Variants in C6 observed in about 807,000 individuals in gnomAD.
C6 encodes complement component C6.
A neutral mutation model predicts 112.9 loss-of-function variants in C6; 101 were observed. That is an observed-to-expected ratio of 0.89 (90% CI 0.76 to 1.06). The LOEUF is 1.06. Among genes scored for constraint, C6 ranks in the 50% least tolerant of loss-of-function variants. The pLI, the probability that C6 is intolerant of heterozygous loss-of-function variation, is 0.00. For synonymous variants in C6, 431 were observed against 384.1 expected (o/e 1.12, Z -1.43); for missense variants, 1,202 against 1,104.6 (o/e 1.09, Z -1.25).
chr5:41,189,092 A>G (rs1191656388), intron 5 of C6, among the ~76,000 whole-genome samples: 1 of 152,118 alleles, frequency 6.6e-6, no homozygotes, highest in Non-Finnish European at 1.5e-5. Context: ...GTTCATAGCC[A>G]TTAGAATAGC....
chr5:41,185,710 C>T (rs572389342), intron 6 of C6, among the ~76,000 whole-genome samples: 1 of 152,200 alleles, frequency 6.6e-6, no homozygotes, highest in Middle Eastern at 3.4e-3. Flanking sequence ...AGAGCACTAC[C>T]TAGGTTAGGA....
At chr5:41,200,885 GTTGTTGTTTTT>G (rs1265042535) in intron 3 of C6, among the ~76,000 whole-genome samples, 3 of 67,122 alleles carry the variant, frequency 4.5e-5, no homozygotes, top group East Asian at 1.0e-3. Flanking sequence ...TGTTGTTGTT[GTTGTTGTTTTT>G]TTTTTTTTTT....
chr5:41,207,567 G>T (rs1047855195), intron 1 of C6, among the ~76,000 whole-genome samples: 1 of 152,094 alleles, frequency 6.6e-6, no homozygotes, highest in Non-Finnish European at 1.5e-5. Flanking sequence ...AAAAAGGCAG[G>T]TGTTGCGATC....
chr5:41,247,546 T>C (rs1269308698), intron 1 of C6, among the ~76,000 whole-genome samples: 2 of 151,958 alleles, frequency 1.3e-5, no homozygotes, highest in African/African-American at 4.8e-5. Flanking sequence ...TGAAACCCCA[T>C]CTCTAATAAA....
chr5:41,185,685 TTTTGTGGTTA>T (rs1749712027), intron 6 of C6, among the ~76,000 whole-genome samples: 3 of 152,196 alleles, frequency 2.0e-5, no homozygotes, highest in African/African-American at 7.2e-5. Flanking sequence ...AAAGTCTATT[TTTTGTGGTTA>T]TCTAAGAGCA....
At chr5:41,227,169 C>A (rs1226470407) in intron 1 of C6, among the ~76,000 whole-genome samples, 2 of 151,970 alleles carry the variant, frequency 1.3e-5, no homozygotes, top group Non-Finnish European at 2.9e-5. Context: ...TGTGGTGATA[C>A]CTCATGATGA....
intron 1 of C6, among the ~76,000 whole-genome samples, chr5:41,244,954 A>G (rs529066397): frequency 1.4e-4 from 21 of 152,258 alleles, no homozygotes; most frequent in African/African-American, 4.3e-4. Flanking sequence ...AATCATGTTG[A>G]TTGATTTTTT....
chr5:41,156,352 C>T (rs773559574), intron 13 of C6, among the ~76,000 whole-genome samples: 1 of 152,130 alleles, frequency 6.6e-6, no homozygotes, highest in Admixed American at 6.5e-5. Flanking sequence ...CTGAGGGAAA[C>T]TCATGCAAAG....
At chr5:41,253,945 A>G (rs372181064) in intron 1 of C6, among the ~76,000 whole-genome samples, 1 of 152,230 alleles carries the variant, frequency 6.6e-6, no homozygotes, top group Non-Finnish European at 1.5e-5. Flanking sequence ...ATAACATTCC[A>G]AGTTCTCTAA....
chr5:41,221,696 A>G (rs951472358), intron 1 of C6, among the ~76,000 whole-genome samples: 4 of 152,220 alleles, frequency 2.6e-5, no homozygotes, highest in Non-Finnish European at 4.4e-5. Context: ...GTGTTTTAAT[A>G]GTTATTTGGA....
At chr5:41,246,785 C>T (rs1403026961) in intron 1 of C6, among the ~76,000 whole-genome samples, 1 of 152,166 alleles carries the variant, frequency 6.6e-6, no homozygotes, top group African/African-American at 2.4e-5. Flanking sequence ...GACAAACAAA[C>T]TTACTTGATG....
chr5:41,181,530 T>A lies in C6; in HGVS notation c.756A>T (p.Thr252=), dbSNP rs1340385339. 2 of 1,613,612 alleles carry A rather than the reference T, an allele frequency of 1.2e-6. No homozygotes were observed. The highest frequency in any genetic ancestry group is 4.5e-5 in the East Asian group (2 of 44,768). Residue 252 remains threonine, a synonymous_variant, in exon 7 of 18, where the codon ACA becomes ACT. Coordinates refer to ENST00000337836, the MANE Select transcript of C6 (RefSeq NM_000065.5). ...EVQTAEDDLK[T]DFYKDLTSLG... ...GAGAAGTTAAATCCTTGTAGAAATC[T>A]GTTTTCAAGTCATCTTCTGCAGTTT...
In C6 at chr5:41,154,113, C is replaced by T. The variant is rs147251031; in HGVS notation, c.2102-115G>A. The T allele has an allele frequency of 9.7e-6, 8 of 826,684 alleles. No homozygotes were observed. The East Asian group carries it at 2.1e-4, about 22-fold the overall frequency. The allele number at this position is 826,684 out of a possible 1,614,324, so 51.2% of individuals were successfully genotyped here. A position where few individuals can be genotyped will look rare whatever the true frequency, so the allele number is the denominator to read the frequency against. On this transcript the variant is annotated intron_variant, in intron 14 of 17. Coordinates refer to ENST00000337836, the MANE Select transcript of C6 (RefSeq NM_000065.5). Reference sequence around the variant, plus strand: ...GATGAGATTTACTGCATCTGTTCAGCTTTGGTGCCTCCTTTTGATCAGAAA... The same window carrying T: ...GATGAGATTTACTGCATCTGTTCAGTTTTGGTGCCTCCTTTTGATCAGAAA...
upstream of C6, among the ~76,000 whole-genome samples, chr5:41,216,814 A>G (rs1375744960): frequency 6.6e-6 from 1 of 151,788 alleles, no homozygotes; most frequent in Non-Finnish European, 1.5e-5. Flanking sequence ...CTTCTAATCT[A>G]CTCTGCAAGG....
chr5:41,251,860 G>A (rs1741383281), intron 1 of C6, among the ~76,000 whole-genome samples: 1 of 152,254 alleles, frequency 6.6e-6, no homozygotes, highest in East Asian at 1.9e-4. Flanking sequence ...AATTTTATCT[G>A]TGGTTAGAAA....
intron 1 of C6, among the ~76,000 whole-genome samples, chr5:41,258,105 C>T (rs755022723): frequency 9.3e-5 from 14 of 150,624 alleles, no homozygotes; most frequent in Non-Finnish European, 1.9e-4. Flanking sequence ...AATTAAATTG[C>T]TTTAATTTTT....
chr5:41,245,808 C>G (rs757588255), intron 1 of C6, among the ~76,000 whole-genome samples: 12 of 152,078 alleles, frequency 7.9e-5, no homozygotes, highest in Non-Finnish European at 1.6e-4. Context: ...CATGTATTAT[C>G]TTTTTAAACT....
intron 9 of C6, among the ~76,000 whole-genome samples, chr5:41,168,370 G>A (rs1748150386): frequency 6.6e-6 from 1 of 152,120 alleles, no homozygotes; most frequent in Non-Finnish European, 1.5e-5. Context: ...GATGCTCGAG[G>A]CATTTTGCTT....
At chr5:41,189,610 C>A (rs1221905781) in intron 5 of C6, among the ~76,000 whole-genome samples, 1 of 151,784 alleles carries the variant, frequency 6.6e-6, no homozygotes, top group South Asian at 2.1e-4. Flanking sequence ...TCACCTCAAA[C>A]ATGTTGGGAA....
Sources: allele counts gnomAD v4.1 joint callset (sites outside exome capture counted in the v4.1 genomes callset), GRCh38; gene constraint gnomAD v4.1.1; transcripts MANE v1.5; gene names NCBI Gene and HGNC (gene_info 2026-07-23, HGNC 2026-07-21).